Variants in CUL2 observed in about 807,000 individuals in gnomAD.
CUL2 encodes cullin-2.
CUL2 carries 22 observed loss-of-function variants against 110.2 expected under a neutral mutation model. That is an observed-to-expected ratio of 0.20 (90% confidence interval 0.14 to 0.28). The LOEUF (loss-of-function observed/expected upper bound fraction) is 0.28, where lower values mean the gene tolerates loss of function less well. Among genes scored for constraint, CUL2 ranks in the 10% least tolerant of loss-of-function variants. The probability of loss-of-function intolerance (pLI) is 1.00; values close to 1 mark genes in which losing one functional copy is unlikely to be tolerated. For synonymous variants in CUL2, 279 were observed against 293.2 expected, an observed-to-expected ratio of 0.95 and a Z score of 0.49; for missense variants, 631 against 905.5, an observed-to-expected ratio of 0.70 and a Z score of 3.89.
chr10:35,066,638 A>G (rs1192392118), intron 2 of CUL2, among the ~76,000 whole-genome samples: 1 of 152,262 alleles, frequency 6.6e-6, no homozygotes, highest in Non-Finnish European at 1.5e-5. Flanking sequence ...ATACAGATGC[A>G]GTATCTACGA....
chr10:35,076,842 G>A (rs1460188756), intron 1 of CUL2, among the ~76,000 whole-genome samples: 1 of 152,116 alleles, frequency 6.6e-6, no homozygotes. Context: ...CTGAGGTCAG[G>A]AGTTCGAGAT....
intron 2 of CUL2, among the ~76,000 whole-genome samples, chr10:35,070,423 T>C (rs1363070316): frequency 1.3e-5 from 2 of 152,198 alleles, no homozygotes; most frequent in South Asian, 2.1e-4. Flanking sequence ...TACTATCTTA[T>C]GAAATCAGAG....
chr10:35,040,736 C>T (rs890134864), intron 8 of CUL2, among the ~76,000 whole-genome samples: 8 of 152,132 alleles, frequency 5.3e-5, no homozygotes, highest in Non-Finnish European at 8.8e-5. Context: ...GGAGTGCGGG[C>T]GGCATTGGTG....
intron 1 of CUL2, among the ~76,000 whole-genome samples, chr10:35,119,564 A>T (rs1384606554): frequency 9.8e-4 from 8 of 8,136 alleles, no homozygotes; most frequent in African/African-American, 1.2e-3. Flanking sequence ...AATTAATTTT[A>T]TTTATTTATT....
At chr10:35,075,410 C>T (rs1014737806) in intron 1 of CUL2, among the ~76,000 whole-genome samples, 1 of 152,152 alleles carries the variant, frequency 6.6e-6, no homozygotes, top group Non-Finnish European at 1.5e-5. Context: ...ATTTCTACCC[C>T]CCAAGCTGTC....
At chr10:35,105,478 C>G (rs2087442662) in intron 1 of CUL2, among the ~76,000 whole-genome samples, 1 of 150,962 alleles carries the variant, frequency 6.6e-6, no homozygotes, top group South Asian at 2.1e-4. Context: ...GTGGCTCACG[C>G]CAGTAATCCC....
At chr10:35,097,997 T>G (rs2087322687) in intron 2 of CUL2, 1 of 151,860 alleles carries the variant, frequency 6.6e-6, no homozygotes. Flanking sequence ...AATAAATAAA[T>G]AAAAGAACAA....
upstream of CUL2, among the ~76,000 whole-genome samples, chr10:35,093,557 G>A (rs772224786): frequency 2.7e-4 from 41 of 151,394 alleles, 1 homozygote; most frequent in Admixed American, 1.1e-3. Context: ...TTCTTGGGAG[G>A]CTGAGGTGGG....
upstream of CUL2, chr10:35,126,790 C>T (rs2087859808): frequency 1.3e-5 from 2 of 152,288 alleles, no homozygotes; most frequent in South Asian, 2.1e-4. Context: ...TCTCCCTATC[C>T]CTAGGCCCCG....
intron 1 of CUL2, among the ~76,000 whole-genome samples, chr10:35,117,430 A>C (rs530184147): frequency 6.6e-6 from 1 of 151,718 alleles, no homozygotes; most frequent in African/African-American, 2.4e-5. Flanking sequence ...AGGTCTCACT[A>C]TGTTTCCCAG....
At chr10:35,044,966 C>T (rs756985251) in intron 6 of CUL2, 98 bp from the exon 7 acceptor site, 57 of 773,620 alleles carry the variant, frequency 7.4e-5, no homozygotes, top group Non-Finnish European at 1.1e-4. Context: ...TTCTATTGGT[C>T]TAATCAAAGT....
At chr10:35,108,977 C>T (rs566519860) in intron 1 of CUL2, among the ~76,000 whole-genome samples, 65 of 152,132 alleles carry the variant, frequency 4.3e-4, no homozygotes, top group Non-Finnish European at 7.9e-4. Context: ...CTTTGGGAGG[C>T]CGAAGTGGGT....
chr10:35,089,665 A>G (rs1042222456), intron 1 of CUL2, among the ~76,000 whole-genome samples: 3 of 152,232 alleles, frequency 2.0e-5, no homozygotes, highest in African/African-American at 7.2e-5. Context: ...AGTGCTAGAA[A>G]GCGTGTGAGG....
chr10:35,100,345 A>T (rs1248027098), intron 2 of CUL2, among the ~76,000 whole-genome samples: 1 of 152,226 alleles, frequency 6.6e-6, no homozygotes, highest in Non-Finnish European at 1.5e-5. Context: ...ACTACATGTA[A>T]CAAGTTACTC....
intron 1 of CUL2, among the ~76,000 whole-genome samples, chr10:35,103,308 A>ATTTTT (rs67257350): frequency 1.9e-4 from 18 of 94,548 alleles, no homozygotes; most frequent in African/African-American, 4.8e-4. Flanking sequence ...GGCCAAGCTA[A>ATTTTT]TTTTTTTTTT....
At chr10:35,061,216 G>C (rs1301712449) in intron 3 of CUL2, among the ~76,000 whole-genome samples, 1 of 152,150 alleles carries the variant, frequency 6.6e-6, no homozygotes, top group Non-Finnish European at 1.5e-5. Context: ...GCTCACGCCT[G>C]TAATTCCAGC....
At chr10:35,117,973 A>C (rs913311632) in intron 1 of CUL2, among the ~76,000 whole-genome samples, 10 of 152,180 alleles carry the variant, frequency 6.6e-5, no homozygotes, top group Non-Finnish European at 1.5e-4. Context: ...CCATATATGC[A>C]CAGCCTCCCT....
intron 18 of CUL2, among the ~76,000 whole-genome samples, chr10:35,014,438 G>C (rs956167205): frequency 1.3e-5 from 2 of 152,176 alleles, no homozygotes; most frequent in Admixed American, 1.3e-4. Context: ...TGATATCATA[G>C]AGTGGAATTT....
At position 35,074,157 on chromosome 10, in the gene CUL2, A is replaced by C. The variant is rs925637895; in HGVS notation, c.-22-2818T>G. On this transcript the variant is annotated intron_variant, in intron 1 of 20. Transcript: ENST00000374749. Reference sequence around the variant, plus strand: ...CTTGACTTCAAGATCAGAATCTCAGATCTTGCCCTTATCAAAGACACAAAA... The same window carrying C: ...CTTGACTTCAAGATCAGAATCTCAGCTCTTGCCCTTATCAAAGACACAAAA... 7.8e-6 allele frequency: 12 copies of C among 1,531,614 alleles called. No homozygotes were observed. The Admixed American group carries it at 9.8e-5, about 13-fold the overall frequency. 94.9% of individuals were successfully genotyped at this position (1,531,614 alleles called of 1,614,324 possible).
Sources: allele counts gnomAD v4.1 joint callset (sites outside exome capture counted in the v4.1 genomes callset), GRCh38; gene constraint gnomAD v4.1.1; transcripts MANE v1.5; gene names NCBI Gene and HGNC (gene_info 2026-07-23, HGNC 2026-07-21).